The following TRPM2 variants were observed in gnomAD, a reference collection of about 807,000 sequenced individuals.
TRPM2 encodes the protein estrogen-responsive element-associated gene 1 protein.
TRPM2 carries 161 observed loss-of-function variants against 174.0 expected under a neutral mutation model. The ratio of observed to expected loss-of-function variants is 0.93; its 90% confidence interval spans 0.81 to 1.05. The LOEUF (loss-of-function observed/expected upper bound fraction) is 1.05. Ranked by LOEUF, TRPM2 falls within the 50% of genes least tolerant of loss-of-function variation. TRPM2 has a pLI of 0.00. For synonymous variants in TRPM2, 954 were observed against 861.3 expected, an observed-to-expected ratio of 1.11 and a Z score of -1.88; for missense variants, 2,057 against 2,038.0, an observed-to-expected ratio of 1.01 and a Z score of -0.18.
intron 11 of TRPM2, among the ~76,000 whole-genome samples, chr21:44,392,769 G>T (rs1047371663): frequency 2.0e-5 from 3 of 152,134 alleles, no homozygotes; most frequent in Non-Finnish European, 4.4e-5. Context: ...CAGTACAAAA[G>T]GTTCTGCAGG....
At position 44,404,914 on chromosome 21, in the gene TRPM2, A is replaced by G. The variant is rs2481871; in HGVS notation, c.2539-228A>G. Among the ~76,000 whole-genome samples, 38 of 102,966 alleles carry G rather than the reference A, an allele frequency of 3.7e-4. 1 individual carries two copies. The highest frequency in any genetic ancestry group is 7.6e-4 in the Admixed American group (7 of 9,260). 67.5% of individuals were successfully genotyped at this position (102,966 alleles called of 152,430 possible). ...TATGACAGTGATGGTGACAGCAAGG[A>G]TAGTGATGATAGTGACAGTGATAGT... On this transcript the variant is annotated intron_variant, in intron 16 of 31. Coordinates refer to ENST00000397928, the MANE Select transcript of TRPM2 (RefSeq NM_003307.4).
intron 22 of TRPM2, among the ~76,000 whole-genome samples, chr21:44,420,473 G>A (rs1011555776): frequency 7.9e-5 from 12 of 152,208 alleles, no homozygotes; most frequent in Non-Finnish European, 1.5e-5. Context: ...TTAGTTCCTG[G>A]CCTGGCAGGG....
In TRPM2 at chr21:44,416,685, G is replaced by C. The variant is rs1369794790; in HGVS notation, c.3147-1242G>C. 3 of 193,490 alleles carry C rather than the reference G, an allele frequency of 1.6e-5. No homozygotes were observed. The East Asian group carries it at 5.4e-4, about 35-fold the overall frequency. The allele number at this position is 193,490 out of a possible 1,614,324, so 12.0% of individuals were successfully genotyped here. A position where few individuals can be genotyped will look rare whatever the true frequency, so the allele number is the denominator to read the frequency against. On this transcript the variant is annotated intron_variant, in intron 20 of 31. Coordinates refer to ENST00000397928, the MANE Select transcript of TRPM2 (RefSeq NM_003307.4). ...CAGGAAGCCTGGAATTGTGAGGTCTGTGGGCTGAGTTCTGTGCCTGGAGCT... is the reference window on the plus strand; with the variant it reads ...CAGGAAGCCTGGAATTGTGAGGTCTCTGGGCTGAGTTCTGTGCCTGGAGCT...
rs2048683099 is a variant in TRPM2, at chr21:44,375,895, C to G, written c.834C>G (p.Asp278Glu). 6.2e-7 allele frequency: 1 copy of G among 1,614,120 alleles called. No individual in the cohort carries two copies. The highest frequency in any genetic ancestry group is 8.5e-7 in the Non-Finnish European group (1 of 1,180,018). Residue 278 changes from aspartate (D) to glutamate (E), a missense_variant, in exon 6 of 32, where the codon GAC (aspartate) becomes GAG (glutamate). Physicochemically the swap from Asp to Glu is conservative, Grantham distance 45. Coordinates refer to ENST00000397928, the MANE Select transcript of TRPM2 (RefSeq NM_003307.4). ...GCCAAGGGAACCTGACCTGCCTAGACAGCAACCACTCTCACTTCATCCTCG... is the reference window on the plus strand; with the variant it reads ...GCCAAGGGAACCTGACCTGCCTAGAGAGCAACCACTCTCACTTCATCCTCG... ...EDGQGNLTCL[D>E]SNHSHFILVD... is the part of the protein sequence containing the mutation.
intron 9 of TRPM2, 140 bp downstream of exon 9, chr21:44,382,960 C>A (rs995142660): frequency 3.6e-6 from 3 of 835,776 alleles, no homozygotes; most frequent in Middle Eastern, 7.2e-4. Context: ...CAGAGGGCAG[C>A]TGGCGACGTG....
In TRPM2 at chr21:44,418,513, A is replaced by T; in HGVS notation, c.3419A>T (p.Gln1140Leu). 6 of 1,614,144 alleles carry T rather than the reference A, an allele frequency of 3.7e-6. No homozygotes were observed. The highest frequency in any genetic ancestry group is 5.1e-6 in the Non-Finnish European group (6 of 1,180,016). ...ENYLQNRQFQ[Q>L]KQRPEQKIED... is the part of the protein sequence containing the mutation. ...TACCTCCAGAACCGACAGTTCCAGC[A>T]AAAGCAGCGGCCCGAGCAGAAGATC... is the stretch of plus-strand genomic sequence containing the variant. The change falls in exon 22 of 32, where the codon CAA becomes CTA. Residue 1140 changes from glutamine (Q) to leucine (L), a missense_variant. Transcript: ENST00000397928.
At chr21:44,406,476 G>A (rs2146300294) in intron 18 of TRPM2, 118 bp from the exon 19 acceptor site, 1 of 1,275,158 alleles carries the variant, frequency 7.8e-7, no homozygotes. Flanking sequence ...GGAGCCTCCT[G>A]CATGCCGTGT....
intron 6 of TRPM2, 100 bp from the exon 7 acceptor site, chr21:44,377,612 T>G: frequency 6.6e-7 from 1 of 1,509,440 alleles, no homozygotes; most frequent in Non-Finnish European, 9.1e-7. Flanking sequence ...CCCCCACCTC[T>G]GTCCCCTCAC....
At chr21:44,406,189 C>G (rs2146299180) in intron 18 of TRPM2, 152 bp downstream of exon 18, 1 of 995,088 alleles carries the variant, frequency 1.0e-6, no homozygotes, top group Non-Finnish European at 1.5e-6. Flanking sequence ...CAAGAATGCC[C>G]TTCTCGTATC....
intron 9 of TRPM2, among the ~76,000 whole-genome samples, chr21:44,390,470 G>T (rs1346910825): frequency 6.6e-6 from 1 of 152,194 alleles, no homozygotes; most frequent in African/African-American, 2.4e-5. Flanking sequence ...TGAGGTGGTT[G>T]TTACTGTTGA....
At chr21:44,414,111 G>C in intron 20 of TRPM2, 37 bp downstream of exon 20, 3 of 1,592,524 alleles carry the variant, frequency 1.9e-6, no homozygotes, top group Non-Finnish European at 2.6e-6. Flanking sequence ...CAGGTGGGTG[G>C]GTGGGCGGCG....
chr21:44,411,667 A>C (rs553234793), intron 19 of TRPM2, among the ~76,000 whole-genome samples: 2 of 152,156 alleles, frequency 1.3e-5, no homozygotes, highest in African/African-American at 4.8e-5. Context: ...TCCTGATCTT[A>C]AGACGAGTCC....
Position 44,376,732 on chromosome 21 carries a change from A to G in TRPM2, c.952+719A>G, listed in dbSNP as rs1051939219. Among the ~76,000 whole-genome samples the G allele has an allele frequency of 1.3e-5, 2 of 152,254 alleles. No homozygotes were observed. Among genetic ancestry groups the G allele is most frequent in the Middle Eastern group, 3.4e-3 (1 of 294 alleles). ...GGAGGGTTCAAAGAGGAGATGGTGAACGGGAGGTGTCTGACCTGTGGCTGG... is the reference window on the plus strand; with the variant it reads ...GGAGGGTTCAAAGAGGAGATGGTGAGCGGGAGGTGTCTGACCTGTGGCTGG... On this transcript the variant is annotated intron_variant, in intron 6 of 31. Coordinates refer to ENST00000397928, the MANE Select transcript of TRPM2 (RefSeq NM_003307.4). This position sits in a 1 kb window ranked among gnomAD's most constrained non-coding sequence, Gnocchi z 4.2.
chr21:44,378,383 G>A (rs45438694), intron 7 of TRPM2, among the ~76,000 whole-genome samples: 2 of 152,348 alleles, frequency 1.3e-5, no homozygotes, highest in East Asian at 3.9e-4. Flanking sequence ...CACAGGCAAT[G>A]TCCCGTTTAT....
At chr21:44,425,982 G>A (rs1226215783) in intron 25 of TRPM2, among the ~76,000 whole-genome samples, 155 bp downstream of exon 25, 1 of 152,194 alleles carries the variant, frequency 6.6e-6, no homozygotes, top group African/African-American at 2.4e-5. Context: ...TGACATTTGA[G>A]GAAACCGAGG....
intron 27 of TRPM2, among the ~76,000 whole-genome samples, chr21:44,427,921 G>T (rs938290264): frequency 6.6e-6 from 1 of 152,108 alleles, no homozygotes; most frequent in Admixed American, 6.5e-5. Context: ...GACGGGCAAG[G>T]GCGGGTGTTT....
Position 44,382,239 on chromosome 21 carries a change from G to C in TRPM2, c.1216-479G>C, listed in dbSNP as rs936135144. Among the ~76,000 whole-genome samples, 3 of 152,228 alleles carry C rather than the reference G, an allele frequency of 2.0e-5. No individual in the cohort carries two copies. In the East Asian group the frequency reaches 5.8e-4, roughly 29 times the overall value. On this transcript the variant is annotated intron_variant, in intron 8 of 31. Coordinates refer to ENST00000397928, the MANE Select transcript of TRPM2 (RefSeq NM_003307.4). ...GGATGGATAGATAGATTTATAGATG[G>C]ATAGATTATGTAGATAGATGGATAG...
Position 44,366,710 on chromosome 21 carries a change from C to T in TRPM2, c.424-44C>T, listed in dbSNP as rs576953688. On this transcript the variant is annotated intron_variant, in intron 3 of 31. Coordinates refer to ENST00000397928, the MANE Select transcript of TRPM2 (RefSeq NM_003307.4). This position sits in a 1 kb window ranked among gnomAD's most constrained non-coding sequence, Gnocchi z 6.0. ...CTGTGTGGGTCGGTGCTGTCCCTGA[C>T]CACTGACACACAGGTTCCCTCCGCC... The T allele has an allele frequency of 5.9e-5, 95 of 1,612,122 alleles. No individual in the cohort carries two copies. Among genetic ancestry groups the T allele is most frequent in the Non-Finnish European group, 8.0e-5 (94 of 1,179,604 alleles).
chr21:44,432,937 C>T lies in TRPM2; in HGVS notation c.3975-2194C>T, dbSNP rs766986390. ...GATGTCGTGATGGAACTACCGGGCA[C>T]GTGGCAGGGAGATGAGGGGTTGAGA... On this transcript the variant is annotated intron_variant, in intron 27 of 31. Coordinates refer to ENST00000397928, the MANE Select transcript of TRPM2 (RefSeq NM_003307.4). This position sits in a 1 kb window ranked among gnomAD's most constrained non-coding sequence, Gnocchi z 4.9. Among the ~76,000 whole-genome samples the T allele has an allele frequency of 1.3e-5, 2 of 152,060 alleles. No homozygotes were observed. The highest frequency in any genetic ancestry group is 2.4e-5 in the African/African-American group (1 of 41,400).
Sources: allele counts gnomAD v4.1 joint callset (sites outside exome capture counted in the v4.1 genomes callset), GRCh38; gene constraint gnomAD v4.1.1; non-coding constraint Gnocchi (gnomAD v3.1); transcripts MANE v1.5; gene names NCBI Gene and HGNC (gene_info 2026-07-23, HGNC 2026-07-21).